LRFN2: variants seen among roughly 807,000 people sequenced by gnomAD.
The protein encoded by LRFN2 is leucine rich repeat and fibronectin type III domain containing 2, also known as leucine-rich repeat and fibronectin type-III domain-containing protein 2.
In LRFN2, 18 loss-of-function variants were observed where a neutral mutation model predicts 37.3. That is an observed-to-expected ratio of 0.48 (90% confidence interval 0.33 to 0.72). The LOEUF (loss-of-function observed/expected upper bound fraction) is 0.72. Among genes scored for constraint, LRFN2 ranks in the 30% least tolerant of loss-of-function variants. The pLI is 0.02. For missense variants in LRFN2, 1,006 were observed against 1,060.7 expected (o/e 0.95, Z 0.72); for synonymous variants, 556 against 466.6 (o/e 1.19, Z -2.47).
Position 40,432,937 on chromosome 6 carries a change from C to T in LRFN2, c.177G>A (p.Leu59=). Reference sequence around the variant, plus strand: ...TGATGTGGATGATGAAGTTGCCGCCCAGGCGCAGCTCCACTGTCCGCCGGT... The same window carrying T: ...TGATGTGGATGATGAAGTTGCCGCCTAGGCGCAGCTCCACTGTCCGCCGGT... ...DIDRRTVELR[L]GGNFIIHISR... is the part of the protein sequence containing the mutation. The change falls in exon 2 of 3, where the codon CTG becomes CTA. Residue 59 remains leucine (L), a synonymous_variant. Coordinates refer to ENST00000338305, the MANE Select transcript of LRFN2 (RefSeq NM_020737.3). 1 of 1,613,904 alleles carries T rather than the reference C, an allele frequency of 6.2e-7. No homozygotes were observed. The highest frequency in any genetic ancestry group is 1.1e-5 in the South Asian group (1 of 91,048).
At chr6:40,430,718 AAGGTCAG>A (rs1207486677) in intron 2 of LRFN2, among the ~76,000 whole-genome samples, 1 of 152,180 alleles carries the variant, frequency 6.6e-6, no homozygotes, top group Non-Finnish European at 1.5e-5. Context: ...AGAACTTTTC[AAGGTCAG>A]TACCATTGTC....
rs781481792 is a variant in LRFN2, at chr6:40,392,946, TGG to T, written c.1401-36_1401-35del. 2 of 1,316,606 alleles carry T rather than the reference TGG, an allele frequency of 1.5e-6. No individual in the cohort carries two copies. The highest frequency in any genetic ancestry group is 4.1e-5 in the African/African-American group (2 of 48,624). 81.6% of individuals were successfully genotyped at this position (1,316,606 alleles called of 1,614,324 possible). A position where few individuals can be genotyped will look rare whatever the true frequency, so the allele number is the denominator to read the frequency against. ...GGAGGTGGACAGAAATAGTGAGGGGTGGTGGGGTGGAAGGACAGGGTGATGGG... is the reference window on the plus strand; with the variant it reads ...GGAGGTGGACAGAAATAGTGAGGGGTTGGGGTGGAAGGACAGGGTGATGGG... On this transcript the variant is annotated intron_variant, in intron 2 of 2. Coordinates refer to ENST00000338305, the MANE Select transcript of LRFN2 (RefSeq NM_020737.3). This position sits in a 1 kb window ranked among gnomAD's most constrained non-coding sequence, Gnocchi z 4.7.
chr6:40,574,565 A>C (rs1767243450), intron 1 of LRFN2, among the ~76,000 whole-genome samples: 1 of 152,170 alleles, frequency 6.6e-6, no homozygotes, highest in African/African-American at 2.4e-5. Context: ...CCACAGGAAA[A>C]AGTATAAGCT....
At chr6:40,469,717 C>T (rs192080321) in intron 1 of LRFN2, among the ~76,000 whole-genome samples, 217 of 152,246 alleles carry the variant, frequency 1.4e-3, no homozygotes, top group Non-Finnish European at 2.6e-3. Context: ...TTCATAGAGG[C>T]CCTGGCAGGG....
At chr6:40,522,340 A>C (rs909268995) in intron 1 of LRFN2, among the ~76,000 whole-genome samples, 1 of 152,098 alleles carries the variant, frequency 6.6e-6, no homozygotes. Context: ...GACCCCATGG[A>C]GTGAGAAGGC....
Position 40,433,946 on chromosome 6 carries a change from T to A in LRFN2, c.-18-815A>T, listed in dbSNP as rs532619776. On this transcript the variant is annotated intron_variant, in intron 1 of 2. Transcript: ENST00000338305. ...GGATTATCTATACACAGACGAGGAT[T>A]GATCATGGCCTCAGAGCCTCCTTTG... is the stretch of plus-strand genomic sequence containing the variant. 1.3e-4 allele frequency among the ~76,000 whole-genome samples: 20 copies of A among 152,316 alleles called. No homozygotes were observed. The South Asian group carries it at 4.1e-3, about 32-fold the overall frequency.
intron 1 of LRFN2, among the ~76,000 whole-genome samples, chr6:40,471,415 G>T (rs1764591947): frequency 1.3e-5 from 2 of 152,138 alleles, no homozygotes; most frequent in Admixed American, 1.3e-4. Flanking sequence ...CATGCCATGG[G>T]GAGCTCTGCA....
At chr6:40,455,075 C>A (rs1378335773) in intron 1 of LRFN2, among the ~76,000 whole-genome samples, 2 of 152,132 alleles carry the variant, frequency 1.3e-5, no homozygotes, top group East Asian at 3.8e-4. Context: ...AAATTTAAAT[C>A]TATTGCTTTT....
intron 2 of LRFN2, among the ~76,000 whole-genome samples, chr6:40,426,288 G>A (rs542149055): frequency 6.6e-6 from 1 of 152,334 alleles, no homozygotes; most frequent in Admixed American, 6.5e-5. Context: ...CAGACTGCCT[G>A]CTTCGTATCC....
At chr6:40,458,943 G>A (rs138305832) in intron 1 of LRFN2, among the ~76,000 whole-genome samples, 171 of 152,308 alleles carry the variant, frequency 1.1e-3, no homozygotes, top group African/African-American at 3.7e-3. Context: ...ATACACTTCC[G>A]TCTTATTTAA....
chr6:40,420,007 C>T (rs1380147423), intron 2 of LRFN2, among the ~76,000 whole-genome samples: 2 of 152,230 alleles, frequency 1.3e-5, no homozygotes, highest in African/African-American at 4.8e-5. Flanking sequence ...CTCTTCCATG[C>T]TTCATTTCCT....
intron 1 of LRFN2, among the ~76,000 whole-genome samples, chr6:40,586,086 G>A (rs148472547): frequency 6.2e-4 from 95 of 152,298 alleles, no homozygotes; most frequent in South Asian, 2.5e-3. Context: ...GGTTTTCAGA[G>A]GCTCTATCTC....
intron 1 of LRFN2, among the ~76,000 whole-genome samples, chr6:40,435,084 G>GAGAGACAGAGAGAC (rs1554134666): frequency 2.3e-5 from 3 of 131,652 alleles, no homozygotes; most frequent in African/African-American, 2.8e-5. Context: ...GAGAGAGAGA[G>GAGAGACAGAGAGAC]AGAGAGACAG....
chr6:40,488,354 C>T (rs957458862), intron 1 of LRFN2, among the ~76,000 whole-genome samples: 3 of 151,958 alleles, frequency 2.0e-5, no homozygotes, highest in South Asian at 2.1e-4. Flanking sequence ...CAACCCCCAC[C>T]GCCATCCCCA....
chr6:40,547,729 C>T (rs899241665), intron 1 of LRFN2, among the ~76,000 whole-genome samples: 2 of 152,076 alleles, frequency 1.3e-5, no homozygotes, highest in African/African-American at 4.8e-5. Flanking sequence ...TTCCTCATCA[C>T]GAGTCTGGCC....
Position 40,392,632 on chromosome 6 carries a change from T to A in LRFN2, c.1681A>T (p.Asn561Tyr), listed in dbSNP as rs770148810. 3 of 1,611,868 alleles carry A rather than the reference T, an allele frequency of 1.9e-6. No individual in the cohort carries two copies. Among genetic ancestry groups the A allele is most frequent in the Non-Finnish European group, 2.5e-6 (3 of 1,180,002 alleles). Reference sequence around the variant, plus strand: ...GCCATCTTGCTGGGGGCCTCGTGGTTGCAGACCTTGTAGCGCACCATGAGG... The same window carrying A: ...GCCATCTTGCTGGGGGCCTCGTGGTAGCAGACCTTGTAGCGCACCATGAGG... ...VILMVRYKVC[N>Y]HEAPSKMAAA... The change falls in exon 3 of 3, where the codon AAC becomes TAC. Residue 561 changes from asparagine to tyrosine, a missense_variant. Asn to Tyr is a moderately radical substitution (Grantham distance 143). Around this residue, in one of 4 missense-constraint regions of LRFN2, gnomAD observed 398 missense variants for 327.6 expected, o/e 1.21. Transcript: ENST00000338305. This position sits in a 1 kb window ranked among gnomAD's most constrained non-coding sequence, Gnocchi z 4.7.
intron 1 of LRFN2, among the ~76,000 whole-genome samples, chr6:40,524,086 G>A (rs1766171486): frequency 6.6e-6 from 1 of 152,168 alleles, no homozygotes; most frequent in South Asian, 2.1e-4. Flanking sequence ...TCATCATCGT[G>A]AACAACAGGG....
intron 1 of LRFN2, among the ~76,000 whole-genome samples, chr6:40,532,370 T>C (rs940541265): frequency 2.6e-5 from 4 of 152,260 alleles, no homozygotes; most frequent in Non-Finnish European, 4.4e-5. Context: ...CTATTTGTTT[T>C]ATATTTGTTC....
intron 1 of LRFN2, among the ~76,000 whole-genome samples, chr6:40,524,537 C>A (rs1268645024): frequency 6.6e-6 from 1 of 152,106 alleles, no homozygotes; most frequent in African/African-American, 2.4e-5. Context: ...CATTTTTGTA[C>A]CTTTTCCATC....
Sources: gnomAD v4.1 joint callset for allele counts (sites outside exome capture counted in the v4.1 genomes callset) on GRCh38, gnomAD v4.1.1 for gene constraint, gnomAD v4.1.1 regional missense constraint, Gnocchi (gnomAD v3.1) non-coding constraint, MANE v1.5 for transcripts, NCBI Gene and HGNC (gene_info 2026-07-23, HGNC 2026-07-21) for gene names.